SSBP2: variants seen among roughly 807,000 people sequenced by gnomAD.
The protein encoded by SSBP2 is single-stranded DNA-binding protein 2.
Under a neutral mutation model 61.8 loss-of-function variants are expected in SSBP2, and 17 were observed. The observed-to-expected ratio is 0.28, with a 90% confidence interval of 0.19 to 0.41. The LOEUF (loss-of-function observed/expected upper bound fraction) is 0.41, where lower values mean the gene tolerates loss of function less well. Among genes scored for constraint, SSBP2 ranks in the 10% least tolerant of loss-of-function variants. The pLI is 1.00. For missense variants in SSBP2, 310 were observed against 458.7 expected, an observed-to-expected ratio of 0.68 and a Z score of 2.96; for synonymous variants, 139 against 141.3, an observed-to-expected ratio of 0.98 and a Z score of 0.12.
intron 2 of SSBP2, among the ~76,000 whole-genome samples, chr5:81,637,755 A>T (rs1748373351): frequency 6.6e-6 from 1 of 152,232 alleles, no homozygotes; most frequent in Non-Finnish European, 1.5e-5. Flanking sequence ...ATTACTGGGT[A>T]TATACCCAAA....
At chr5:81,581,187 G>A (rs1434271489) in intron 4 of SSBP2, among the ~76,000 whole-genome samples, 1 of 152,168 alleles carries the variant, frequency 6.6e-6, no homozygotes, top group East Asian at 1.9e-4. Context: ...AAGAAGAACA[G>A]TGGGCAAGGT....
chr5:81,692,316 C>T (rs978296368), intron 1 of SSBP2, among the ~76,000 whole-genome samples: 1 of 151,926 alleles, frequency 6.6e-6, no homozygotes, highest in African/African-American at 2.4e-5. Flanking sequence ...AAGATCTCTG[C>T]AATAAAAACT....
intron 1 of SSBP2, among the ~76,000 whole-genome samples, chr5:81,722,018 C>T (rs1420782612): frequency 6.6e-6 from 1 of 152,054 alleles, no homozygotes; most frequent in Non-Finnish European, 1.5e-5. Flanking sequence ...TCTTTCCTTC[C>T]CTTAGTTCTT....
chr5:81,645,843 T>C (rs1235454887), intron 2 of SSBP2, among the ~76,000 whole-genome samples: 1 of 152,108 alleles, frequency 6.6e-6, no homozygotes, highest in Non-Finnish European at 1.5e-5. Context: ...TGGATTCAGG[T>C]AGTGGTTTAA....
chr5:81,529,482 G>A (rs1770228933), intron 4 of SSBP2, among the ~76,000 whole-genome samples: 1 of 152,102 alleles, frequency 6.6e-6, no homozygotes, highest in South Asian at 2.1e-4. Flanking sequence ...GGTCATGAGG[G>A]CAGGCTCAAC....
At chr5:81,730,748 CTT>C (rs1220876748) in intron 1 of SSBP2, among the ~76,000 whole-genome samples, 1 of 152,050 alleles carries the variant, frequency 6.6e-6, no homozygotes, top group African/African-American at 2.4e-5. Context: ...AAAGAAAAGA[CTT>C]TTTACAGCTC....
At chr5:81,743,678 A>G (rs1757175180) in intron 1 of SSBP2, among the ~76,000 whole-genome samples, 1 of 152,226 alleles carries the variant, frequency 6.6e-6, no homozygotes, top group Non-Finnish European at 1.5e-5. Flanking sequence ...GAAATTCTGT[A>G]GTTCTCTCTA....
chr5:81,751,043 G>A lies in SSBP2; in HGVS notation c.-1C>T. Reference sequence around the variant, plus strand: ...TGTTACTCTTGCCTTTGCCGTACATGCTTGTGCCGAGAGCAGCTCCCACTG... The same window carrying A: ...TGTTACTCTTGCCTTTGCCGTACATACTTGTGCCGAGAGCAGCTCCCACTG... On this transcript the variant is annotated 5_prime_UTR_variant, in exon 1 of 17. Transcript: ENST00000320672. 1 of 1,593,730 alleles carries A rather than the reference G, an allele frequency of 6.3e-7. No individual in the cohort carries two copies. Among genetic ancestry groups the A allele is most frequent in the Non-Finnish European group, 8.5e-7 (1 of 1,170,202 alleles).
intron 5 of SSBP2, among the ~76,000 whole-genome samples, chr5:81,497,397 T>C (rs1411367961): frequency 6.6e-6 from 1 of 152,198 alleles, no homozygotes; most frequent in Non-Finnish European, 1.5e-5. Context: ...AGCTGGCCCA[T>C]TGACCAAGTG....
At chr5:81,751,112 C>T, upstream of SSBP2, 1 of 1,500,144 alleles carries the variant, frequency 6.7e-7, no homozygotes, top group Non-Finnish European at 9.1e-7. Context: ...GGAACAGCCC[C>T]GTCCCCATGG....
chr5:81,576,121 T>C (rs544038212), intron 4 of SSBP2, among the ~76,000 whole-genome samples: 71 of 152,192 alleles, frequency 4.7e-4, no homozygotes, highest in Middle Eastern at 6.8e-3. Context: ...GTTTAGTTCA[T>C]AGTAGCATTC....
At chr5:81,629,821 C>T (rs1302105077) in intron 3 of SSBP2, among the ~76,000 whole-genome samples, 1 of 152,148 alleles carries the variant, frequency 6.6e-6, no homozygotes, top group African/African-American at 2.4e-5. Flanking sequence ...TATTCATCAC[C>T]TCACATAGTA....
intron 1 of SSBP2, among the ~76,000 whole-genome samples, chr5:81,685,101 G>C (rs747256659): frequency 6.6e-6 from 1 of 152,052 alleles, no homozygotes; most frequent in Admixed American, 6.6e-5. Context: ...TCTCTCTCCT[G>C]CTGCATGTGA....
chr5:81,413,453 A>G lies in SSBP2; in HGVS notation c.*7051T>C, dbSNP rs1305731475. The G allele has an allele frequency of 6.6e-6, 1 of 152,224 alleles. No individual in the cohort carries two copies. The highest frequency in any genetic ancestry group is 1.9e-4 in the East Asian group (1 of 5,200). The allele number at this position is 152,224 out of a possible 1,614,324, so 9.4% of individuals were successfully genotyped here. A position where few individuals can be genotyped will look rare whatever the true frequency, so the allele number is the denominator to read the frequency against. On this transcript the variant is annotated 3_prime_UTR_variant, in exon 17 of 17. Coordinates refer to ENST00000320672, the MANE Select transcript of SSBP2 (RefSeq NM_012446.5). ...ATTGTGCATTTATAAAAACCTTACA[A>G]ATACTTCTATTTTTCCAGGAAGATA... is the stretch of plus-strand genomic sequence containing the variant.
rs143742423 is a variant in SSBP2 at position 81,518,912 on chromosome 5, T to C, written c.283-5195A>G. Among the ~76,000 whole-genome samples the C allele has an allele frequency of 2.5e-4, 38 of 152,284 alleles. 1 individual carries two copies. The highest frequency in any genetic ancestry group is 4.7e-4 in the Non-Finnish European group (32 of 68,000). ...CATGATATAAGTAATCACATATTGA[T>C]AGTTTTCTTAAATCTTCATTGTATT... On this transcript the variant is annotated intron_variant, in intron 4 of 16. Coordinates refer to ENST00000320672, the MANE Select transcript of SSBP2 (RefSeq NM_012446.5).
In SSBP2 at chr5:81,689,734, T is replaced by C. The variant is rs1463104255; in HGVS notation, c.63-39395A>G. ...TATTTAATATGAAAGAAAAGAACATTAGTGAGCAACATAAAATCATTTAAA... is the reference window on the plus strand; with the variant it reads ...TATTTAATATGAAAGAAAAGAACATCAGTGAGCAACATAAAATCATTTAAA... On this transcript the variant is annotated intron_variant, in intron 1 of 16. Coordinates refer to ENST00000320672, the MANE Select transcript of SSBP2 (RefSeq NM_012446.5). 2.6e-5 allele frequency among the ~76,000 whole-genome samples: 4 copies of C among 152,064 alleles called. No individual in the cohort carries two copies. The East Asian group carries it at 7.7e-4, about 29-fold the overall frequency.
At chr5:81,751,734 G>A (rs1340893983), upstream of SSBP2, 1 of 152,288 alleles carries the variant, frequency 6.6e-6, no homozygotes, top group Non-Finnish European at 1.5e-5. Flanking sequence ...CCAGAGGGCC[G>A]GCTGGCGAGG....
chr5:81,496,708 T>TG (rs1767311677), intron 5 of SSBP2, among the ~76,000 whole-genome samples: 1 of 135,186 alleles, frequency 7.4e-6, no homozygotes, highest in African/African-American at 3.5e-5. Flanking sequence ...GAAGTTTAAC[T>TG]TTTTAAAGTT....
chr5:81,571,097 T>C (rs551435259), intron 4 of SSBP2, among the ~76,000 whole-genome samples: 11 of 152,370 alleles, frequency 7.2e-5, no homozygotes, highest in African/African-American at 2.4e-4. Context: ...TTGGTTTCTT[T>C]TGTGGAGCAA....
Sources: gnomAD v4.1 joint callset for allele counts (sites outside exome capture counted in the v4.1 genomes callset) on GRCh38, gnomAD v4.1.1 for gene constraint, MANE v1.5 for transcripts, NCBI Gene and HGNC (gene_info 2026-07-23, HGNC 2026-07-21) for gene names.